GATB: variants seen among roughly 807,000 people sequenced by gnomAD.
The protein encoded by GATB is glutamyl-tRNA(Gln) amidotransferase subunit B, mitochondrial.
Under a neutral mutation model 62.3 loss-of-function variants are expected in GATB, and 39 were observed. That is an observed-to-expected ratio of 0.63 (90% CI 0.48 to 0.82). The LOEUF (loss-of-function observed/expected upper bound fraction) is 0.82. Ranked by LOEUF, GATB falls within the 40% of genes least tolerant of loss-of-function variation. GATB has a pLI of 0.00. For missense variants in GATB, 670 were observed against 684.0 expected (o/e 0.98, Z 0.23); for synonymous variants, 276 against 258.9 (o/e 1.07, Z -0.63).
chr4:151,732,672 C>T (rs1422674614), intron 2 of GATB, among the ~76,000 whole-genome samples: 1 of 150,204 alleles, frequency 6.7e-6, no homozygotes, highest in Non-Finnish European at 1.5e-5. Flanking sequence ...TCCTATGACC[C>T]TGCCAAATCC....
chr4:151,715,226 T>C (rs1738890888), intron 5 of GATB, among the ~76,000 whole-genome samples: 1 of 152,208 alleles, frequency 6.6e-6, no homozygotes, highest in African/African-American at 2.4e-5. Flanking sequence ...AACCTATATT[T>C]TGTCTCCTCT....
chr4:151,715,982 G>A, intron 5 of GATB, 27 bp downstream of exon 5: 1 of 1,610,512 alleles, frequency 6.2e-7, no homozygotes, highest in Non-Finnish European at 8.5e-7. Context: ...GAGAGGGAAA[G>A]AAGAATACTG....
At chr4:151,723,282 T>A (rs1739067468) in intron 2 of GATB, 1 of 152,148 alleles carries the variant, frequency 6.6e-6, no homozygotes, top group Admixed American at 6.5e-5. Context: ...GTAAATACTA[T>A]TATGATCCTC....
intron 5 of GATB, among the ~76,000 whole-genome samples, chr4:151,710,032 A>C (rs28608757): frequency 0.14 from 20,539 of 151,844 alleles, 1,572 homozygotes; most frequent in African/African-American, 0.21. Flanking sequence ...TCCCTCAAGG[A>C]CTCACTTGAG....
At chr4:151,694,928 C>T (rs1193845314) in intron 9 of GATB, among the ~76,000 whole-genome samples, 6 of 152,188 alleles carry the variant, frequency 3.9e-5, no homozygotes, top group Non-Finnish European at 8.8e-5. Flanking sequence ...CCCTTGGAGA[C>T]ACCTTAACCT....
intron 8 of GATB, among the ~76,000 whole-genome samples, chr4:151,701,844 A>G (rs1458306343): frequency 6.6e-6 from 1 of 152,210 alleles, no homozygotes. Context: ...GTTGCTTCAC[A>G]ACGGCGATAT....
intron 2 of GATB, among the ~76,000 whole-genome samples, chr4:151,735,528 T>C (rs1274665100): frequency 6.6e-6 from 1 of 151,746 alleles, no homozygotes; most frequent in African/African-American, 2.4e-5. Flanking sequence ...TGGAAAACAG[T>C]ATGGAGATTC....
At chr4:151,748,890 C>G (rs2126997216) in intron 2 of GATB, among the ~76,000 whole-genome samples, 1 of 152,264 alleles carries the variant, frequency 6.6e-6, no homozygotes, top group Admixed American at 6.5e-5. Flanking sequence ...TTTATGCAGC[C>G]AACAGACACA....
intron 7 of GATB, among the ~76,000 whole-genome samples, chr4:151,704,959 C>G (rs1738684791): frequency 6.6e-6 from 1 of 151,976 alleles, no homozygotes; most frequent in Non-Finnish European, 1.5e-5. Context: ...ACCATGTTAG[C>G]CAGGATGGTC....
At chr4:151,694,062 G>A (rs1440473766) in intron 9 of GATB, among the ~76,000 whole-genome samples, 4 of 152,146 alleles carry the variant, frequency 2.6e-5, no homozygotes, top group Admixed American at 6.5e-5. Context: ...ACGTTCCAAC[G>A]CACCTAACAC....
intron 9 of GATB, among the ~76,000 whole-genome samples, chr4:151,698,145 A>G (rs1322463683): frequency 6.6e-6 from 1 of 151,476 alleles, no homozygotes; most frequent in Non-Finnish European, 1.5e-5. Flanking sequence ...TTTATCAGGA[A>G]CACTGCTTCT....
At chr4:151,671,803 G>C (rs75230026) in intron 12 of GATB, among the ~76,000 whole-genome samples, 2,250 of 152,274 alleles carry the variant, frequency 0.015, 50 homozygotes, top group African/African-American at 0.049. Context: ...CGCTGGGTCG[G>C]GGGGAGTGTG....
chr4:151,755,489 T>C (rs1739809069), intron 2 of GATB, among the ~76,000 whole-genome samples: 1 of 152,246 alleles, frequency 6.6e-6, no homozygotes, highest in Non-Finnish European at 1.5e-5. Flanking sequence ...CAAGGACAGA[T>C]TCCTAAAAGA....
At chr4:151,704,522 C>T (rs867283659) in intron 7 of GATB, among the ~76,000 whole-genome samples, 1 of 151,738 alleles carries the variant, frequency 6.6e-6, no homozygotes, top group East Asian at 1.9e-4. Context: ...GGCACTATCT[C>T]GGCTCACTGC....
chr4:151,674,908 T>G (rs866755493), intron 11 of GATB: 2 of 152,146 alleles, frequency 1.3e-5, no homozygotes, highest in African/African-American at 2.4e-5. Context: ...TGCCTGGAAG[T>G]AGGCGGGGCC....
intron 11 of GATB, among the ~76,000 whole-genome samples, chr4:151,678,280 C>T (rs1000142831): frequency 5.3e-5 from 8 of 152,174 alleles, no homozygotes; most frequent in African/African-American, 9.7e-5. Flanking sequence ...CATCTGAACC[C>T]AGCTGTCAGC....
intron 2 of GATB, among the ~76,000 whole-genome samples, chr4:151,735,682 C>T (rs546715447): frequency 5.5e-5 from 8 of 146,074 alleles, no homozygotes; most frequent in African/African-American, 2.1e-4. Flanking sequence ...ACTGCAAAAT[C>T]GTGGAACCAA....
intron 9 of GATB, among the ~76,000 whole-genome samples, chr4:151,696,000 C>T (rs866965238): frequency 2.1e-5 from 3 of 140,190 alleles, no homozygotes; most frequent in Admixed American, 7.6e-5. Context: ...AAACTGGTCT[C>T]GAAATCCTGG....
intron 2 of GATB, among the ~76,000 whole-genome samples, chr4:151,733,953 G>A (rs150944079): frequency 8.8e-4 from 134 of 152,210 alleles, no homozygotes; most frequent in South Asian, 1.2e-3. Flanking sequence ...ATAACTTAAC[G>A]TAATAAAAGC....
Sources: gnomAD v4.1 joint callset for allele counts (sites outside exome capture counted in the v4.1 genomes callset) on GRCh38, gnomAD v4.1.1 for gene constraint, MANE v1.5 for transcripts, NCBI Gene and HGNC (gene_info 2026-07-23, HGNC 2026-07-21) for gene names.